DIP2C: variants seen among roughly 807,000 people sequenced by gnomAD.
DIP2C encodes the protein DIP2 acetate--CoA ligase C (putative), also known as disco-interacting protein 2 homolog C.
Under a neutral mutation model 192.4 loss-of-function variants are expected in DIP2C, and 33 were observed. The ratio of observed to expected loss-of-function variants is 0.17; its 90% CI spans 0.13 to 0.23. The LOEUF is 0.23. DIP2C is among the 10% of genes least tolerant of loss of function. DIP2C has a pLI of 1.00. For synonymous variants in DIP2C, 979 were observed against 864.1 expected, an observed-to-expected ratio of 1.13 and a Z score of -2.33; for missense variants, 1,537 against 2,110.1, an observed-to-expected ratio of 0.73 and a Z score of 5.32.
At chr10:538,315 C>T (rs1847803905) in intron 1 of DIP2C, among the ~76,000 whole-genome samples, 1 of 151,852 alleles carries the variant, frequency 6.6e-6, no homozygotes, top group Admixed American at 6.6e-5. Flanking sequence ...CACCACCACA[C>T]TCGGCTAGTT....
chr10:539,652 G>C (rs368999443), intron 1 of DIP2C, among the ~76,000 whole-genome samples: 2 of 152,172 alleles, frequency 1.3e-5, no homozygotes, highest in Non-Finnish European at 2.9e-5. Context: ...GTATTATTTG[G>C]AAGTCGTTCC....
intron 32 of DIP2C, among the ~76,000 whole-genome samples, chr10:307,711 C>G (rs1237651967): frequency 6.6e-6 from 1 of 152,220 alleles, no homozygotes; most frequent in East Asian, 1.9e-4. Context: ...AGAGTGAGAG[C>G]AGCCCCAGAA....
chr10:522,494 A>G (rs915328101), intron 1 of DIP2C, among the ~76,000 whole-genome samples: 4 of 152,224 alleles, frequency 2.6e-5, no homozygotes, highest in African/African-American at 4.8e-5. Context: ...CGCCTTCCAC[A>G]GCAGCTGCCC....
In DIP2C at chr10:274,846, T is replaced by C. The variant is rs1268971944; in HGVS notation, c.*2479A>G. On this transcript the variant is annotated 3_prime_UTR_variant, in exon 37 of 37. Transcript: ENST00000280886. The stretch of plus-strand genomic sequence containing the variant: ...TTTGTCTGACTTCAAAAGCACAAGG[T>C]CACAAGACAAACATTTTTTACAATC... 6.6e-6 allele frequency: 1 copy of C among 152,248 alleles called. No homozygotes were observed. The allele number at this position is 152,248 out of a possible 1,614,324, so 9.4% of individuals were successfully genotyped here.
At chr10:458,536 T>C (rs180916096) in intron 3 of DIP2C, among the ~76,000 whole-genome samples, 255 of 151,528 alleles carry the variant, frequency 1.7e-3, no homozygotes, top group Middle Eastern at 0.01. Flanking sequence ...TCTACATTCC[T>C]GCGTCACCGG....
chr10:310,623 AAG>A (rs527414533), intron 31 of DIP2C, among the ~76,000 whole-genome samples: 411 of 152,340 alleles, frequency 2.7e-3, no homozygotes, highest in Middle Eastern at 0.02. Context: ...ATTTCCGGCC[AAG>A]ACACAGGTCA....
chr10:419,810 C>A (rs1280855636), intron 5 of DIP2C, among the ~76,000 whole-genome samples: 1 of 152,156 alleles, frequency 6.6e-6, no homozygotes, highest in East Asian at 1.9e-4. Context: ...TTCAAAAAAC[C>A]ACGTTACACC....
intron 10 of DIP2C, among the ~76,000 whole-genome samples, chr10:394,580 C>A (rs916662867): frequency 7.4e-6 from 1 of 135,644 alleles, no homozygotes; most frequent in African/African-American, 2.8e-5. Context: ...ACATAGTGGG[C>A]GCTATTCAGC....
In DIP2C at chr10:345,295, G is replaced by C. The variant is rs559689169; in HGVS notation, c.3232-185C>G. On this transcript the variant is annotated intron_variant, in intron 26 of 36. Transcript: ENST00000280886. The stretch of plus-strand genomic sequence containing the variant: ...TAGGAGTCTAGTTGTGGAGGCACGG[G>C]GGCAGGGCATGCGGCCTGAAGCTGC... The C allele has an allele frequency of 1.6e-5, 11 of 702,762 alleles. No individual in the cohort carries two copies. The East Asian group carries it at 2.7e-4, about 17-fold the overall frequency. The allele number at this position is 702,762 out of a possible 1,614,324, so 43.5% of individuals were successfully genotyped here. A position where few individuals can be genotyped will look rare whatever the true frequency, so the allele number is the denominator to read the frequency against.
intron 3 of DIP2C, among the ~76,000 whole-genome samples, chr10:453,867 G>A (rs1969061432): frequency 6.6e-6 from 1 of 152,202 alleles, no homozygotes; most frequent in Admixed American, 6.5e-5. Context: ...AGCTGGGGGT[G>A]AGCTGCTGGC....
chr10:413,800 G>A lies in DIP2C; in HGVS notation c.1057+113C>T, dbSNP rs967325504. ...CGAGGGCGTGGGCAAAGGGCAGAGG[G>A]TTAGCCTCGGGATTACCTTAAGTGA... On this transcript the variant is annotated intron_variant, in intron 8 of 36. Coordinates refer to ENST00000280886, the MANE Select transcript of DIP2C (RefSeq NM_014974.3). 1.0e-5 allele frequency: 14 copies of A among 1,359,830 alleles called. No homozygotes were observed. The African/African-American group carries it at 1.4e-4, about 14-fold the overall frequency. 84.2% of individuals were successfully genotyped at this position (1,359,830 alleles called of 1,614,324 possible). A position where few individuals can be genotyped will look rare whatever the true frequency, so the allele number is the denominator to read the frequency against.
chr10:481,288 C>A (rs1478620792), intron 2 of DIP2C, among the ~76,000 whole-genome samples: 1 of 152,246 alleles, frequency 6.6e-6, no homozygotes, highest in African/African-American at 2.4e-5. Flanking sequence ...GAAACTTTCT[C>A]ATTCCGTATG....
chr10:562,715 G>A (rs1425396184), intron 1 of DIP2C, among the ~76,000 whole-genome samples: 1 of 152,182 alleles, frequency 6.6e-6, no homozygotes, highest in African/African-American at 2.4e-5. Context: ...GAAAACAAGT[G>A]TTCTGTTCCC....
At chr10:571,771 GACCAGGGGTAGC>G (rs1270484150) in intron 1 of DIP2C, among the ~76,000 whole-genome samples, 2 of 152,174 alleles carry the variant, frequency 1.3e-5, no homozygotes, top group Admixed American at 6.5e-5. Flanking sequence ...GTATGGCTGT[GACCAGGGGTAGC>G]AACATGGGAC....
intron 9 of DIP2C, among the ~76,000 whole-genome samples, chr10:400,877 G>A (rs113909393): frequency 9.9e-5 from 15 of 151,514 alleles, no homozygotes; most frequent in African/African-American, 3.6e-4. Flanking sequence ...GGCAGCATTA[G>A]CATTACTCTT....
intron 4 of DIP2C, among the ~76,000 whole-genome samples, chr10:440,245 G>T (rs547321437): frequency 5.3e-5 from 8 of 152,300 alleles, no homozygotes; most frequent in Admixed American, 2.0e-4. Context: ...GATCGGGGTT[G>T]GCACATCTGT....
chr10:580,114 T>C (rs376514646), intron 1 of DIP2C, among the ~76,000 whole-genome samples: 4 of 152,298 alleles, frequency 2.6e-5, no homozygotes, highest in East Asian at 3.9e-4. Context: ...TACATAGGTA[T>C]AACATCTATA....
chr10:624,875 C>CG (rs138844787), intron 1 of DIP2C, among the ~76,000 whole-genome samples: 2,424 of 151,294 alleles, frequency 0.016, 27 homozygotes, highest in Non-Finnish European at 0.024. Context: ...CGGGAGAACC[C>CG]GGGGGGGGAG....
At chr10:606,906 C>T (rs1588582195) in intron 1 of DIP2C, among the ~76,000 whole-genome samples, 1 of 152,182 alleles carries the variant, frequency 6.6e-6, no homozygotes, top group Admixed American at 6.5e-5. Context: ...GTGACTCAGG[C>T]TGGGGTCTGA....
Sources: allele counts gnomAD v4.1 joint callset (sites outside exome capture counted in the v4.1 genomes callset), GRCh38; gene constraint gnomAD v4.1.1; transcripts MANE v1.5; gene names NCBI Gene and HGNC (gene_info 2026-07-23, HGNC 2026-07-21).